The following TENM4 variants were observed in gnomAD, a reference collection of about 807,000 sequenced individuals.
TENM4 encodes the protein teneurin transmembrane protein 4.
In TENM4, 82 loss-of-function variants were observed where a neutral mutation model predicts 243.3. The observed-to-expected ratio is 0.34, with a 90% CI of 0.28 to 0.40. The LOEUF is 0.40. Ranked by LOEUF, TENM4 falls within the 10% of genes least tolerant of loss-of-function variation. The pLI is 1.00. For missense variants in TENM4, 3,138 were observed against 3,673.3 expected, an observed-to-expected ratio of 0.85 and a Z score of 3.77; for synonymous variants, 1,412 against 1,456.3, an observed-to-expected ratio of 0.97 and a Z score of 0.69.
chr11:78,868,429 C>T (rs181603647), intron 9 of TENM4, among the ~76,000 whole-genome samples: 30 of 152,298 alleles, frequency 2.0e-4, no homozygotes, highest in Middle Eastern at 3.4e-3. Flanking sequence ...AGATCACCCA[C>T]GCTGAAATGT....
At chr11:79,365,708 A>G (rs1364768229) in intron 1 of TENM4, among the ~76,000 whole-genome samples, 3 of 152,174 alleles carry the variant, frequency 2.0e-5, no homozygotes, top group Non-Finnish European at 4.4e-5. Flanking sequence ...CATGACAGCA[A>G]CAGGCACAGA....
intron 1 of TENM4, among the ~76,000 whole-genome samples, chr11:79,365,648 GT>G (rs1857663866): frequency 6.6e-6 from 1 of 152,192 alleles, no homozygotes. Flanking sequence ...TTACACTGCA[GT>G]GGGGAGACAG....
chr11:79,150,787 G>A (rs1263556429), intron 3 of TENM4, among the ~76,000 whole-genome samples: 2 of 151,964 alleles, frequency 1.3e-5, no homozygotes, highest in Non-Finnish European at 2.9e-5. Context: ...GGTTTGAATG[G>A]GCATTTTCAT....
intron 24 of TENM4, 150 bp downstream of exon 24, chr11:78,722,518 G>T: frequency 9.3e-7 from 1 of 1,073,524 alleles, no homozygotes; most frequent in Non-Finnish European, 1.3e-6. Context: ...AGCAGCACCT[G>T]CTTGAGCTGG....
At position 78,883,597 on chromosome 11, in the gene TENM4, G is replaced by A. The variant is rs531924589; in HGVS notation, c.1084+6188C>T. ...TTAGATTTATTAACAAGCCTTTTTC[G>A]TCTCCTATTCCAAAGGCCTACCTGG... On this transcript the variant is annotated intron_variant, in intron 9 of 33. Transcript: ENST00000278550. Among the ~76,000 whole-genome samples the A allele has an allele frequency of 1.5e-3, 231 of 152,216 alleles. 1 individual carries two copies. The highest frequency in any genetic ancestry group is 5.3e-3 in the African/African-American group (219 of 41,528).
chr11:78,716,328 G>A (rs1169934626), intron 25 of TENM4, among the ~76,000 whole-genome samples: 1 of 151,984 alleles, frequency 6.6e-6, no homozygotes, highest in Non-Finnish European at 1.5e-5. Flanking sequence ...GGTAGAACTG[G>A]CCTCTTCCTT....
intron 3 of TENM4, among the ~76,000 whole-genome samples, chr11:79,177,538 C>T (rs761266258): frequency 3.9e-5 from 6 of 152,032 alleles, no homozygotes; most frequent in African/African-American, 9.7e-5. Flanking sequence ...ATGTTAGAGT[C>T]TAAGGTGGAA....
chr11:79,141,341 C>T (rs1417192562), intron 4 of TENM4, among the ~76,000 whole-genome samples: 2 of 152,028 alleles, frequency 1.3e-5, no homozygotes, highest in Non-Finnish European at 2.9e-5. Context: ...TTCAAAGGAA[C>T]ATTAGAGACT....
intron 3 of TENM4, among the ~76,000 whole-genome samples, chr11:79,181,789 C>T (rs1329665876): frequency 6.6e-6 from 1 of 151,788 alleles, no homozygotes; most frequent in African/African-American, 2.4e-5. Context: ...AAGTCAATCA[C>T]TTTCCTATGC....
At chr11:79,100,982 G>C (rs1861216223) in intron 4 of TENM4, among the ~76,000 whole-genome samples, 1 of 152,094 alleles carries the variant, frequency 6.6e-6, no homozygotes, top group African/African-American at 2.4e-5. Context: ...AGAGGCGTGT[G>C]GGCTGGACTG....
intron 4 of TENM4, chr11:79,097,723 C>T (rs372793506): frequency 6.6e-6 from 1 of 151,826 alleles, no homozygotes; most frequent in African/African-American, 2.4e-5. Context: ...TACGAAACAG[C>T]GAACATGTGA....
chr11:79,172,025 C>G (rs1863056395), intron 3 of TENM4, among the ~76,000 whole-genome samples: 1 of 152,164 alleles, frequency 6.6e-6, no homozygotes. Context: ...GATCATAGCG[C>G]ATTATAAATT....
intron 18 of TENM4, among the ~76,000 whole-genome samples, chr11:78,762,659 C>T (rs1008581476): frequency 2.6e-5 from 4 of 152,208 alleles, no homozygotes; most frequent in African/African-American, 9.6e-5. Context: ...CCAATGGAGG[C>T]AATCCTGTAT....
chr11:78,702,367 G>T lies in TENM4; in HGVS notation c.4246C>A (p.Pro1416Thr), dbSNP rs1199720248. The T allele has an allele frequency of 6.2e-7, 1 of 1,613,630 alleles. No homozygotes were observed. Among genetic ancestry groups the T allele is most frequent in the Non-Finnish European group, 8.5e-7 (1 of 1,179,688 alleles). Residue 1416 changes from proline (P) to threonine (T), a missense_variant, in exon 28 of 34, where the codon CCA becomes ACA. Transcript: ENST00000278550. ...LEWPTDLAINPMDNSLYVLDN... is the reference protein window; with the variant it reads ...LEWPTDLAINTMDNSLYVLDN... Reference sequence around the variant, plus strand: ...AGGACATAAAGTGAGTTGTCCATTGGGTTGATGGCTAAGTCTGTGGGCCAC... The same window carrying T: ...AGGACATAAAGTGAGTTGTCCATTGTGTTGATGGCTAAGTCTGTGGGCCAC...
intron 3 of TENM4, among the ~76,000 whole-genome samples, chr11:79,164,788 T>G (rs1446249845): frequency 6.6e-6 from 1 of 151,772 alleles, no homozygotes; most frequent in African/African-American, 2.4e-5. Context: ...CTGTTTTTGC[T>G]TCATCATTTT....
intron 6 of TENM4, among the ~76,000 whole-genome samples, chr11:79,023,389 G>A (rs566176417): frequency 2.0e-5 from 3 of 152,016 alleles, no homozygotes; most frequent in Non-Finnish European, 2.9e-5. Flanking sequence ...GCAAAACCCC[G>A]TCTCTACTAA....
At chr11:79,296,042 C>T (rs975389986) in intron 2 of TENM4, among the ~76,000 whole-genome samples, 4 of 151,998 alleles carry the variant, frequency 2.6e-5, no homozygotes, top group Non-Finnish European at 4.4e-5. Flanking sequence ...GGTCATAATT[C>T]GCAACATACA....
chr11:79,421,394 C>A (rs759532395), intron 1 of TENM4, among the ~76,000 whole-genome samples: 1 of 152,150 alleles, frequency 6.6e-6, no homozygotes, highest in Non-Finnish European at 1.5e-5. Context: ...AATGTGATAT[C>A]GCTTGATATA....
chr11:78,981,540 T>A (rs1335251014), intron 6 of TENM4, among the ~76,000 whole-genome samples: 2 of 152,062 alleles, frequency 1.3e-5, no homozygotes, highest in East Asian at 3.9e-4. Flanking sequence ...CATGAGGGAA[T>A]CTGGACCACC....
Sources: allele counts gnomAD v4.1 joint callset (sites outside exome capture counted in the v4.1 genomes callset), GRCh38; gene constraint gnomAD v4.1.1; transcripts MANE v1.5; gene names NCBI Gene and HGNC (gene_info 2026-07-23, HGNC 2026-07-21).